The following NARS2 variants were observed in gnomAD, a reference collection of about 807,000 sequenced individuals.
NARS2 encodes the protein asparaginyl-tRNA synthetase.
In NARS2, 60 loss-of-function variants were observed where a neutral mutation model predicts 62.9. The observed-to-expected ratio is 0.95, with a 90% CI of 0.77 to 1.18. The LOEUF (loss-of-function observed/expected upper bound fraction) is 1.18. NARS2 is among the 50% of genes most tolerant of loss of function. NARS2 has a pLI of 0.00. For synonymous variants in NARS2, 196 were observed against 200.0 expected, an observed-to-expected ratio of 0.98 and a Z score of 0.17; for missense variants, 619 against 576.4, an observed-to-expected ratio of 1.07 and a Z score of -0.76.
chr11:78,569,486 CAGTA>C (rs1490723946), intron 2 of NARS2, among the ~76,000 whole-genome samples: 3 of 152,166 alleles, frequency 2.0e-5, no homozygotes, highest in African/African-American at 7.2e-5. Context: ...TTCATAATTA[CAGTA>C]AGTATGACAA....
chr11:78,452,248 C>T (rs1217251057), intron 11 of NARS2, among the ~76,000 whole-genome samples: 1 of 151,962 alleles, frequency 6.6e-6, no homozygotes, highest in Non-Finnish European at 1.5e-5. Flanking sequence ...GCTGGGACTA[C>T]AGGAGCTCGC....
chr11:78,541,466 T>C (rs1855620131), intron 5 of NARS2, among the ~76,000 whole-genome samples: 1 of 152,132 alleles, frequency 6.6e-6, no homozygotes, highest in African/African-American at 2.4e-5. Flanking sequence ...AGCTCTCGCA[T>C]TTTTTATCCT....
Position 78,454,406 on chromosome 11 carries a change from A to G in NARS2, c.1165-10648T>C, listed in dbSNP as rs1858079283. ...ATGGCTTCTTGCTCTATTAGTTCAC[A>G]TGAGAACTGGTTGTTTAAAACAGAC... is the stretch of plus-strand genomic sequence containing the variant. On this transcript the variant is annotated intron_variant, in intron 11 of 13. Transcript: ENST00000281038. Among the ~76,000 whole-genome samples, 3 of 152,082 alleles carry G rather than the reference A, an allele frequency of 2.0e-5. 1 individual carries two copies. The highest frequency in any genetic ancestry group is 2.1e-4 in the South Asian group (1 of 4,824).
At chr11:78,514,519 G>C (rs1860835001) in intron 6 of NARS2, among the ~76,000 whole-genome samples, 1 of 152,330 alleles carries the variant, frequency 6.6e-6, no homozygotes, top group East Asian at 1.9e-4. Context: ...AGCATTTCAG[G>C]CACAATGTGT....
Position 78,436,510 on chromosome 11 carries a change from G to A in NARS2, c.*160C>T. 7.6e-6 allele frequency: 7 copies of A among 924,552 alleles called. No individual in the cohort carries two copies. Among genetic ancestry groups the A allele is most frequent in the Non-Finnish European group, 1.1e-5 (7 of 624,076 alleles). 57.3% of individuals were successfully genotyped at this position (924,552 alleles called of 1,614,324 possible). ...ACGTGAAATACCCTCAACTTTCTAAGAAAATCACAACCACTTATATTTTTT... is the reference window on the plus strand; with the variant it reads ...ACGTGAAATACCCTCAACTTTCTAAAAAAATCACAACCACTTATATTTTTT... On this transcript the variant is annotated 3_prime_UTR_variant, in exon 14 of 14. Coordinates refer to ENST00000281038, the MANE Select transcript of NARS2 (RefSeq NM_024678.6).
At chr11:78,462,034 C>T (rs1858420503) in intron 11 of NARS2, among the ~76,000 whole-genome samples, 1 of 152,116 alleles carries the variant, frequency 6.6e-6, no homozygotes, top group African/African-American at 2.4e-5. Flanking sequence ...CGCTAATTCG[C>T]AACAAAAATC....
At chr11:78,562,396 C>G (rs1490271944) in intron 4 of NARS2, among the ~76,000 whole-genome samples, 2 of 152,188 alleles carry the variant, frequency 1.3e-5, no homozygotes, top group Admixed American at 6.5e-5. Flanking sequence ...CACCACTGCA[C>G]TCCAGCCCGG....
intron 9 of NARS2, among the ~76,000 whole-genome samples, chr11:78,477,399 T>C (rs1189496298): frequency 6.6e-6 from 1 of 152,150 alleles, no homozygotes; most frequent in Non-Finnish European, 1.5e-5. Context: ...CATTTCCCAA[T>C]TTCAGTTAAT....
chr11:78,465,733 A>G lies in NARS2; in HGVS notation c.1164+143T>C. ...TAGAACACTGGGATCTTCTTTGGGA[A>G]AAATTTTTAAGAGATGTCTTTGAAA... is the stretch of plus-strand genomic sequence containing the variant. On this transcript the variant is annotated intron_variant, in intron 11 of 13. Transcript: ENST00000281038. 3 of 921,654 alleles carry G rather than the reference A, an allele frequency of 3.3e-6. No homozygotes were observed. In the East Asian group the frequency reaches 8.2e-5, roughly 25 times the overall value. 57.1% of individuals were successfully genotyped at this position (921,654 alleles called of 1,614,324 possible).
chr11:78,556,797 T>C (rs1856370436), intron 5 of NARS2, among the ~76,000 whole-genome samples: 2 of 152,210 alleles, frequency 1.3e-5, no homozygotes, highest in South Asian at 4.1e-4. Context: ...TTCCAAATTA[T>C]AAAGACCAAA....
rs765297617 is a variant in NARS2, at chr11:78,574,456, C to T, written c.33G>A (p.Val11=). 1.2e-6 allele frequency: 2 copies of T among 1,613,766 alleles called. No individual in the cohort carries two copies. Among genetic ancestry groups the T allele is most frequent in the South Asian group, 1.1e-5 (1 of 91,074 alleles). MLGVRCLLRS[V]RFCSSAPFPK... is the part of the protein sequence containing the mutation. ...GGAAGGGGGCGGAGGAACAGAAGCGCACGGACCGCAGCAGGCAGCGGACCC... is the reference window on the plus strand; with the variant it reads ...GGAAGGGGGCGGAGGAACAGAAGCGTACGGACCGCAGCAGGCAGCGGACCC... The change falls in exon 1 of 14, where the codon GTG becomes GTA. Residue 11 remains valine (V), a synonymous_variant. Coordinates refer to ENST00000281038, the MANE Select transcript of NARS2 (RefSeq NM_024678.6).
intron 11 of NARS2, among the ~76,000 whole-genome samples, chr11:78,459,979 G>C (rs1858329723): frequency 6.6e-6 from 1 of 152,190 alleles, no homozygotes; most frequent in Non-Finnish European, 1.5e-5. Flanking sequence ...AATGGTGATT[G>C]AGTATAAACA....
chr11:78,533,801 G>C (rs1296822755), intron 5 of NARS2, among the ~76,000 whole-genome samples: 1 of 152,102 alleles, frequency 6.6e-6, no homozygotes, highest in Non-Finnish European at 1.5e-5. Context: ...GCTCCACCTA[G>C]TTATCCCTCC....
At chr11:78,539,029 T>TGA (rs1049003569) in intron 5 of NARS2, among the ~76,000 whole-genome samples, 1 of 105,436 alleles carries the variant, frequency 9.5e-6, no homozygotes, top group African/African-American at 4.2e-5. Context: ...AAAAAAAAGA[T>TGA]GAGGTTAGAC....
At chr11:78,505,477 TC>T (rs1255208008) in intron 6 of NARS2, among the ~76,000 whole-genome samples, 1 of 151,620 alleles carries the variant, frequency 6.6e-6, no homozygotes, top group African/African-American at 2.4e-5. Context: ...AACTGATTTT[TC>T]CCCCCAACTA....
rs561918687 is a variant in NARS2, at chr11:78,566,182, T to C, written c.463A>G (p.Ile155Val). 5 of 1,613,258 alleles carry C rather than the reference T, an allele frequency of 3.1e-6. No homozygotes were observed. Among genetic ancestry groups the C allele is most frequent in the South Asian group, 1.1e-5 (1 of 90,930 alleles). ...GTCGCTTCACTGCGAATCCTCAATA[T>C]AGAACCCAGAACGTTAGTCCTACAC... Reference protein sequence around the residue: ...FRCRTNVLGSILRIRSEATAA... With the variant: ...FRCRTNVLGSVLRIRSEATAA... Residue 155 changes from isoleucine (I) to valine (V), a missense_variant, in exon 4 of 14, where the codon ATA (isoleucine) becomes GTA (valine). Ile to Val is a conservative substitution (Grantham distance 29). Coordinates refer to ENST00000281038, the MANE Select transcript of NARS2 (RefSeq NM_024678.6).
rs564358501 is a variant in NARS2, at chr11:78,543,782, T to C, written c.595-14846A>G. On this transcript the variant is annotated intron_variant, in intron 5 of 13. Coordinates refer to ENST00000281038, the MANE Select transcript of NARS2 (RefSeq NM_024678.6). ...GCAGAGAGGCTCATGGCTGTAATCCTAGCACTTTGGGAGGCCAAGGCGGGC... is the reference window on the plus strand; with the variant it reads ...GCAGAGAGGCTCATGGCTGTAATCCCAGCACTTTGGGAGGCCAAGGCGGGC... Among the ~76,000 whole-genome samples the C allele has an allele frequency of 5.9e-3, 897 of 152,128 alleles. 5 individuals carry two copies. The highest frequency in any genetic ancestry group is 0.02 in the Middle Eastern group (6 of 294).
chr11:78,478,425 A>T lies in NARS2; in HGVS notation c.959+13T>A. 1 of 1,025,248 alleles carries T rather than the reference A, an allele frequency of 9.8e-7. No homozygotes were observed. Among genetic ancestry groups the T allele is most frequent in the Non-Finnish European group, 1.4e-6 (1 of 724,518 alleles). 63.5% of individuals were successfully genotyped at this position (1,025,248 alleles called of 1,614,324 possible). A position where few individuals can be genotyped will look rare whatever the true frequency, so the allele number is the denominator to read the frequency against. ...ATAATGAATAAAGTTCAAAAAGTAT[A>T]ACATCTACTTACATTAAAAAGTTGT... On this transcript the variant is annotated intron_variant, in intron 9 of 13. Transcript: ENST00000281038.
intron 11 of NARS2, 152 bp from the exon 12 acceptor site, chr11:78,443,910 T>C: frequency 1.7e-6 from 1 of 582,720 alleles, no homozygotes; most frequent in South Asian, 2.0e-5. Flanking sequence ...GTGGACAATT[T>C]CCTCTCTCTT....
Sources: allele counts gnomAD v4.1 joint callset (sites outside exome capture counted in the v4.1 genomes callset), GRCh38; gene constraint gnomAD v4.1.1; transcripts MANE v1.5; gene names NCBI Gene and HGNC (gene_info 2026-07-23, HGNC 2026-07-21).